Variants in DGKI observed in about 807,000 individuals in gnomAD.
The protein encoded by DGKI is DAG kinase iota.
DGKI carries 55 observed loss-of-function variants against 147.5 expected under a neutral mutation model. That is an observed-to-expected ratio of 0.37 (90% CI 0.30 to 0.47). DGKI has a LOEUF of 0.47. Ranked by LOEUF, DGKI falls within the 20% of genes least tolerant of loss-of-function variation. DGKI has a pLI of 1.00. For synonymous variants in DGKI, 469 were observed against 477.1 expected (o/e 0.98, Z 0.22); for missense variants, 1,007 against 1,323.8 (o/e 0.76, Z 3.71).
intron 21 of DGKI, among the ~76,000 whole-genome samples, chr7:137,516,467 C>A (rs1279214657): frequency 2.6e-5 from 4 of 151,972 alleles, no homozygotes; most frequent in African/African-American, 4.8e-5. Context: ...TATATTTTAT[C>A]TTTCTTTCAT....
rs551672745 is a variant in DGKI at position 137,677,791 on chromosome 7, T to A, written c.606+766A>T. Among the ~76,000 whole-genome samples, 49 of 152,282 alleles carry A rather than the reference T, an allele frequency of 3.2e-4. 1 individual carries two copies. In the South Asian group the frequency reaches 8.7e-3, roughly 27 times the overall value. On this transcript the variant is annotated intron_variant, in intron 3 of 32. Coordinates refer to ENST00000614521, the MANE Select transcript of DGKI (RefSeq NM_001321708.2). ...ATTTCCCCAAATAAGAAGGAATACATCTTTTATCTCTTCTTTACTATCCTA... is the reference window on the plus strand; with the variant it reads ...ATTTCCCCAAATAAGAAGGAATACAACTTTTATCTCTTCTTTACTATCCTA...
intron 27 of DGKI, among the ~76,000 whole-genome samples, chr7:137,460,444 A>T (rs1429031170): frequency 6.6e-6 from 1 of 152,222 alleles, no homozygotes; most frequent in Non-Finnish European, 1.5e-5. Flanking sequence ...TCAAAAACAC[A>T]ATGCTGAGTG....
chr7:137,592,524 T>C (rs1363088951), intron 12 of DGKI, among the ~76,000 whole-genome samples: 1 of 152,210 alleles, frequency 6.6e-6, no homozygotes, highest in East Asian at 1.9e-4. Flanking sequence ...TTGAGCAATA[T>C]TTTCATTCTG....
intron 5 of DGKI, among the ~76,000 whole-genome samples, chr7:137,647,441 G>T (rs1821865866): frequency 6.6e-6 from 1 of 152,068 alleles, no homozygotes; most frequent in Admixed American, 6.5e-5. Context: ...TCTCTCTTCT[G>T]AAAACAAATC....
intron 28 of DGKI, among the ~76,000 whole-genome samples, chr7:137,431,958 G>C (rs557890931): frequency 1.3e-5 from 2 of 152,356 alleles, no homozygotes; most frequent in East Asian, 1.9e-4. Flanking sequence ...GGAGGGGTCT[G>C]ATGGGAGGTG....
At chr7:137,628,173 A>G (rs1191926933) in intron 6 of DGKI, among the ~76,000 whole-genome samples, 1 of 152,156 alleles carries the variant, frequency 6.6e-6, no homozygotes, top group Non-Finnish European at 1.5e-5. Context: ...CCACCTCGCT[A>G]CTAAGTATTA....
At position 137,519,785 on chromosome 7, in the gene DGKI, C is replaced by T. The variant is rs1275400311; in HGVS notation, c.2248+2081G>A. 2.0e-5 allele frequency among the ~76,000 whole-genome samples: 3 copies of T among 152,086 alleles called. No homozygotes were observed. The South Asian group carries it at 6.2e-4, about 32-fold the overall frequency. On this transcript the variant is annotated intron_variant, in intron 21 of 32. Transcript: ENST00000614521. ...CAAAGGATAAACTTTCCTGAAAAAC[C>T]ACAGTTAGAAGCACCATCACCGCAT...
At chr7:137,697,819 TAAAAC>T (rs1662049337) in intron 1 of DGKI, among the ~76,000 whole-genome samples, 2 of 152,072 alleles carry the variant, frequency 1.3e-5, no homozygotes, top group Admixed American at 6.5e-5. Flanking sequence ...TCTTAAAAAA[TAAAAC>T]AATAACAATT....
At chr7:137,522,008 C>T (rs200284652) in intron 20 of DGKI, 42 bp from the exon 21 acceptor site, 77 of 1,467,794 alleles carry the variant, frequency 5.2e-5, no homozygotes, top group African/African-American at 3.5e-4. Flanking sequence ...AATGAGAGAG[C>T]GGAATTGGTA....
At chr7:137,494,384 G>C (rs1336630088) in intron 21 of DGKI, among the ~76,000 whole-genome samples, 1 of 151,914 alleles carries the variant, frequency 6.6e-6, no homozygotes, top group African/African-American at 2.4e-5. Context: ...ATTCTCCAAG[G>C]AAAAAATGAA....
At chr7:137,551,905 AAG>A (rs970696195) in intron 20 of DGKI, among the ~76,000 whole-genome samples, 1 of 152,142 alleles carries the variant, frequency 6.6e-6, no homozygotes, top group African/African-American at 2.4e-5. Flanking sequence ...GGCAGGCAGA[AAG>A]AGATGCAATG....
chr7:137,407,238 C>T (rs1028479236), intron 30 of DGKI, among the ~76,000 whole-genome samples: 54 of 152,166 alleles, frequency 3.5e-4, no homozygotes, highest in African/African-American at 1.3e-3. Flanking sequence ...TATGTTTATG[C>T]TTCCAAAGGG....
At chr7:137,760,164 C>T (rs1203276274) in intron 1 of DGKI, among the ~76,000 whole-genome samples, 1 of 152,130 alleles carries the variant, frequency 6.6e-6, no homozygotes, top group East Asian at 1.9e-4. Context: ...TGCGGGCCCT[C>T]TCCTTTCTTT....
intron 19 of DGKI, among the ~76,000 whole-genome samples, chr7:137,562,211 A>G (rs1454651200): frequency 1.3e-5 from 2 of 148,996 alleles, no homozygotes; most frequent in East Asian, 3.9e-4. Flanking sequence ...TGTGGAGCTC[A>G]TATGGAATGT....
At chr7:137,540,625 T>G (rs1723131) in intron 20 of DGKI, among the ~76,000 whole-genome samples, 151,879 of 151,880 alleles carry the variant, frequency 1, 75,939 homozygotes, top group Middle Eastern at 1. Flanking sequence ...GGCAGAGGTT[T>G]CAGTGAGCTG....
intron 3 of DGKI, among the ~76,000 whole-genome samples, chr7:137,658,354 G>A (rs2116268877): frequency 6.6e-6 from 1 of 152,246 alleles, no homozygotes; most frequent in Non-Finnish European, 1.5e-5. Flanking sequence ...TCACTGCTTT[G>A]GCACCACCTG....
intron 27 of DGKI, among the ~76,000 whole-genome samples, chr7:137,453,924 GTTT>G (rs56891185): frequency 2.2e-5 from 3 of 138,466 alleles, no homozygotes; most frequent in Admixed American, 1.4e-4. Flanking sequence ...GAAATATCTT[GTTT>G]TTTTTTTTTT....
intron 23 of DGKI, among the ~76,000 whole-genome samples, chr7:137,472,343 A>ATAC (rs1295031780): frequency 3.8e-4 from 30 of 78,772 alleles, no homozygotes; most frequent in Non-Finnish European, 5.4e-4. Flanking sequence ...ATATACATAT[A>ATAC]ATTATTATAT....
At chr7:137,771,131 C>T (rs974300218) in intron 1 of DGKI, among the ~76,000 whole-genome samples, 1 of 152,252 alleles carries the variant, frequency 6.6e-6, no homozygotes, top group Admixed American at 6.5e-5. Context: ...ACCTCTGTCA[C>T]TTAAGCTGGA....
Sources: gnomAD v4.1 joint callset for allele counts (sites outside exome capture counted in the v4.1 genomes callset) on GRCh38, gnomAD v4.1.1 for gene constraint, MANE v1.5 for transcripts, NCBI Gene and HGNC (gene_info 2026-07-23, HGNC 2026-07-21) for gene names.